Variants in DAPK1 observed in about 807,000 individuals in gnomAD.
The protein encoded by DAPK1 is death-associated protein kinase 1.
DAPK1 carries 56 observed loss-of-function variants against 144.9 expected under a neutral mutation model. The ratio of observed to expected loss-of-function variants is 0.39; its 90% CI spans 0.31 to 0.48. The LOEUF is 0.48. Ranked by LOEUF, DAPK1 falls within the 20% of genes least tolerant of loss-of-function variation. The pLI is 0.95. For synonymous variants in DAPK1, 690 were observed against 749.0 expected, an observed-to-expected ratio of 0.92 and a Z score of 1.29; for missense variants, 1,454 against 1,875.4, an observed-to-expected ratio of 0.78 and a Z score of 4.15.
Position 87,686,829 on chromosome 9 carries a change from A to G in DAPK1, c.2413+90A>G. On this transcript the variant is annotated intron_variant, in intron 21 of 25. Coordinates refer to ENST00000408954, the MANE Select transcript of DAPK1 (RefSeq NM_004938.4). The surrounding 1 kb of genome is among the most constrained non-coding windows in gnomAD (Gnocchi z 4.2). ...CTAAAGGGAGCTTGTCCTGAGCTGTATCTGTCACTTCCAGAAGGAAATCCA... is the reference window on the plus strand; with the variant it reads ...CTAAAGGGAGCTTGTCCTGAGCTGTGTCTGTCACTTCCAGAAGGAAATCCA... 3.6e-6 allele frequency: 5 copies of G among 1,395,874 alleles called. No homozygotes were observed. The highest frequency in any genetic ancestry group is 4.8e-6 in the Non-Finnish European group (5 of 1,035,750). 86.5% of individuals were successfully genotyped at this position (1,395,874 alleles called of 1,614,324 possible).
chr9:87,556,397 C>T (rs11141881), intron 2 of DAPK1, among the ~76,000 whole-genome samples: 1 of 151,898 alleles, frequency 6.6e-6, no homozygotes, highest in African/African-American at 2.4e-5. Context: ...TGTACCTGTA[C>T]CCACTGTGCA....
At chr9:87,572,620 C>A (rs1418195855) in intron 2 of DAPK1, among the ~76,000 whole-genome samples, 1 of 152,002 alleles carries the variant, frequency 6.6e-6, no homozygotes, top group Non-Finnish European at 1.5e-5. Flanking sequence ...GGTTCCTCCC[C>A]CTCACCTTGC....
rs569361316 is a variant in DAPK1 at position 87,706,482 on chromosome 9, C to T, written c.3411C>T (p.Leu1137=). 6.2e-7 allele frequency: 1 copy of T among 1,613,674 alleles called. No individual in the cohort carries two copies. The highest frequency in any genetic ancestry group is 1.1e-5 in the South Asian group (1 of 91,048). Residue 1137 remains leucine (L), a synonymous_variant, in exon 26 of 26, where the codon CTC becomes CTT. Coordinates refer to ENST00000408954, the MANE Select transcript of DAPK1 (RefSeq NM_004938.4). The surrounding 1 kb of genome is among the most constrained non-coding windows in gnomAD (Gnocchi z 9.0). ...GGVRIVPVEH[L]TPFPCGIFHK... ...TGCGCATCGTGCCCGTGGAACACCT[C>T]ACCCCCTTCCCATGTGGCATCTTTC...
chr9:87,687,642 T>G (rs181514516), intron 21 of DAPK1, among the ~76,000 whole-genome samples: 3 of 152,328 alleles, frequency 2.0e-5, no homozygotes, highest in Non-Finnish European at 2.9e-5. Flanking sequence ...TTTCCTTTCC[T>G]TTGGAAAAAT....
chr9:87,621,502 G>A (rs1271868533), intron 3 of DAPK1, among the ~76,000 whole-genome samples: 1 of 152,174 alleles, frequency 6.6e-6, no homozygotes, highest in Non-Finnish European at 1.5e-5. Flanking sequence ...GCCTTCCCAG[G>A]GAGGAAAGAG....
At chr9:87,650,214 C>G in intron 16 of DAPK1, 96 bp downstream of exon 16, 1 of 1,259,116 alleles carries the variant, frequency 7.9e-7, no homozygotes, top group Non-Finnish European at 1.1e-6. Context: ...AGATAACAAA[C>G]TTGAATGCAG....
chr9:87,618,859 A>G (rs1829191287), intron 3 of DAPK1, among the ~76,000 whole-genome samples: 1 of 152,326 alleles, frequency 6.6e-6, no homozygotes, highest in East Asian at 1.9e-4. Context: ...CCCTGAAAAT[A>G]CTAAAACCCA....
chr9:87,587,848 C>T (rs1827991360), intron 2 of DAPK1, among the ~76,000 whole-genome samples: 1 of 152,168 alleles, frequency 6.6e-6, no homozygotes, highest in African/African-American at 2.4e-5. Context: ...TCTTATTTTC[C>T]CCAATAGAAC....
At chr9:87,691,613 C>T (rs1214750165) in intron 21 of DAPK1, among the ~76,000 whole-genome samples, 2 of 151,676 alleles carry the variant, frequency 1.3e-5, no homozygotes, top group Non-Finnish European at 2.9e-5. Flanking sequence ...GATTTTTTGA[C>T]GTAGGTGTTT....
chr9:87,535,336 T>C (rs375944167), intron 2 of DAPK1, among the ~76,000 whole-genome samples: 14 of 152,224 alleles, frequency 9.2e-5, no homozygotes, highest in African/African-American at 3.4e-4. Context: ...CACACTAGTG[T>C]TTTTTAGATT....
intron 21 of DAPK1, among the ~76,000 whole-genome samples, chr9:87,695,455 G>C (rs1190772262): frequency 2.6e-5 from 4 of 152,196 alleles, no homozygotes; most frequent in Non-Finnish European, 5.9e-5. Context: ...GCAGTGTAGA[G>C]AGGGGGCATC....
At chr9:87,701,646 GC>G (rs991229648) in intron 24 of DAPK1, among the ~76,000 whole-genome samples, 2 of 151,998 alleles carry the variant, frequency 1.3e-5, no homozygotes, top group African/African-American at 4.8e-5. Context: ...GAGTCTTCCT[GC>G]TGCCGAGGCC....
In DAPK1 at chr9:87,686,372, A is replaced by T. The variant is rs1824853260; in HGVS notation, c.2225-179A>T. On this transcript the variant is annotated intron_variant, in intron 20 of 25. Coordinates refer to ENST00000408954, the MANE Select transcript of DAPK1 (RefSeq NM_004938.4). The surrounding 1 kb of genome is among the most constrained non-coding windows in gnomAD (Gnocchi z 4.2). Reference sequence around the variant, plus strand: ...AGGTAGAGCAAGCGGAAAAGCCCACAGCCTTGCTGGGAACACTGCTGCCCT... The same window carrying T: ...AGGTAGAGCAAGCGGAAAAGCCCACTGCCTTGCTGGGAACACTGCTGCCCT... 6.6e-6 allele frequency among the ~76,000 whole-genome samples: 1 copy of T among 152,314 alleles called. No individual in the cohort carries two copies. Among genetic ancestry groups the T allele is most frequent in the South Asian group, 2.1e-4 (1 of 4,826 alleles).
intron 24 of DAPK1, among the ~76,000 whole-genome samples, chr9:87,702,204 C>T (rs6560017): frequency 0.23 from 35,583 of 152,086 alleles, 4,893 homozygotes; most frequent in East Asian, 0.44. Flanking sequence ...TTAGCTGACA[C>T]AAAAGAATTT....
At chr9:87,515,449 G>A (rs1174608023) in intron 2 of DAPK1, among the ~76,000 whole-genome samples, 1 of 152,194 alleles carries the variant, frequency 6.6e-6, no homozygotes, top group African/African-American at 2.4e-5. Flanking sequence ...ATTGAGCTCT[G>A]AGCCTCTCTG....
intron 19 of DAPK1, among the ~76,000 whole-genome samples, chr9:87,669,760 G>A (rs1192991699): frequency 8.5e-6 from 1 of 118,066 alleles, no homozygotes; most frequent in Non-Finnish European, 2.1e-5. Flanking sequence ...GTCTTGCCAG[G>A]GGCAGGGGGG....
chr9:87,651,779 T>G, intron 17 of DAPK1, 55 bp downstream of exon 17: 1 of 1,496,388 alleles, frequency 6.7e-7, no homozygotes, highest in Non-Finnish European at 9.2e-7. Flanking sequence ...TCCACCCGAT[T>G]CTGGGTCCTG....
At chr9:87,550,351 T>C (rs1826429900) in intron 2 of DAPK1, among the ~76,000 whole-genome samples, 1 of 152,268 alleles carries the variant, frequency 6.6e-6, no homozygotes, top group African/African-American at 2.4e-5. Context: ...TATAACAAAA[T>C]ACCACAGACT....
At chr9:87,639,012 G>A (rs1041726587) in intron 4 of DAPK1, among the ~76,000 whole-genome samples, 1 of 152,148 alleles carries the variant, frequency 6.6e-6, no homozygotes, top group Admixed American at 6.5e-5. Flanking sequence ...GCTACAATTG[G>A]AATAACACTG....
Sources: gnomAD v4.1 joint callset for allele counts (sites outside exome capture counted in the v4.1 genomes callset) on GRCh38, gnomAD v4.1.1 for gene constraint, Gnocchi (gnomAD v3.1) non-coding constraint, MANE v1.5 for transcripts, NCBI Gene and HGNC (gene_info 2026-07-23, HGNC 2026-07-21) for gene names.